FHIP1A: variants seen among roughly 807,000 people sequenced by gnomAD.
FHIP1A encodes FHF complex subunit HOOK interacting protein 1A.
Under a neutral mutation model 88.6 loss-of-function variants are expected in FHIP1A, and 61 were observed. That is an observed-to-expected ratio of 0.69 (90% CI 0.56 to 0.85). The LOEUF (loss-of-function observed/expected upper bound fraction) is 0.85, where lower values mean the gene tolerates loss of function less well. Ranked by LOEUF, FHIP1A falls within the 40% of genes least tolerant of loss-of-function variation. FHIP1A has a pLI of 0.00. For synonymous variants in FHIP1A, 478 were observed against 496.0 expected, an observed-to-expected ratio of 0.96 and a Z score of 0.48; for missense variants, 1,154 against 1,273.5, an observed-to-expected ratio of 0.91 and a Z score of 1.43.
At chr4:151,462,170 A>G (rs540286631) in intron 2 of FHIP1A, among the ~76,000 whole-genome samples, 5 of 152,226 alleles carry the variant, frequency 3.3e-5, no homozygotes, top group African/African-American at 7.2e-5. Context: ...CTAAAAAATA[A>G]AGTAAAATAA....
At chr4:151,661,408 G>GTT (rs5862966) in intron 13 of FHIP1A, among the ~76,000 whole-genome samples, 18,803 of 128,434 alleles carry the variant, frequency 0.15, 1,455 homozygotes, top group African/African-American at 0.23. Context: ...AGTGGAAGTT[G>GTT]TTTTTTTTTT....
In FHIP1A at chr4:151,662,706, C is replaced by T; in HGVS notation, c.3075C>T (p.Ser1025=). Residue 1025 remains serine (S), a synonymous_variant, in exon 14 of 14, where the codon TCC becomes TCT. Transcript: ENST00000435205. Reference sequence around the variant, plus strand: ...TGGCGGCCTTGGCCCAGGAACACTCCATTCTGTGCTACAAGATCTTGGGTG... The same window carrying T: ...TGGCGGCCTTGGCCCAGGAACACTCTATTCTGTGCTACAAGATCTTGGGTG... ...KELAALAQEH[S]ILCYKILGDF... 2 of 1,550,336 alleles carry T rather than the reference C, an allele frequency of 1.3e-6. No individual in the cohort carries two copies.
At chr4:151,455,900 C>T (rs1386320994) in intron 2 of FHIP1A, among the ~76,000 whole-genome samples, 2 of 152,170 alleles carry the variant, frequency 1.3e-5, no homozygotes, top group Admixed American at 6.5e-5. Context: ...AACACAGTTC[C>T]TGTTGAAAGC....
At chr4:151,448,117 C>T (rs1320969794) in intron 1 of FHIP1A, among the ~76,000 whole-genome samples, 1 of 151,850 alleles carries the variant, frequency 6.6e-6, no homozygotes. Context: ...TGGCATTTCA[C>T]CATGTTGGCC....
intron 7 of FHIP1A, among the ~76,000 whole-genome samples, chr4:151,611,757 C>T (rs1323172643): frequency 6.6e-6 from 1 of 152,124 alleles, no homozygotes; most frequent in African/African-American, 2.4e-5. Flanking sequence ...GTCTCTATGT[C>T]CTTTTTGCCT....
chr4:151,466,153 A>G (rs149374719), intron 2 of FHIP1A, among the ~76,000 whole-genome samples: 12 of 152,284 alleles, frequency 7.9e-5, no homozygotes, highest in East Asian at 5.8e-4. Context: ...CAAAATCATT[A>G]TGCAAAAATC....
chr4:151,648,466 A>G (rs1192024665), intron 10 of FHIP1A, among the ~76,000 whole-genome samples: 1 of 152,108 alleles, frequency 6.6e-6, no homozygotes, highest in Non-Finnish European at 1.5e-5. Context: ...GGAAATGGGT[A>G]TCCTTAAAAG....
intron 3 of FHIP1A, among the ~76,000 whole-genome samples, 155 bp from the exon 4 acceptor site, chr4:151,565,983 A>C (rs896298011): frequency 6.6e-6 from 1 of 152,122 alleles, no homozygotes; most frequent in African/African-American, 2.4e-5. Flanking sequence ...AGGAGAAAAC[A>C]GGAGAGCCTT....
chr4:151,656,964 T>G lies in FHIP1A; in HGVS notation c.2869+66T>G. On this transcript the variant is annotated intron_variant, in intron 13 of 13. Coordinates refer to ENST00000435205, the MANE Select transcript of FHIP1A (RefSeq NM_001109977.3). The surrounding 1 kb of genome is among the most constrained non-coding windows in gnomAD (Gnocchi z 4.2). ...CCTCCACGTCCCTGGCCTACTGGCC[T>G]CAGTTCACAGATGCTGCACTGGCTT... 6.9e-7 allele frequency: 1 copy of G among 1,456,756 alleles called. No individual in the cohort carries two copies. The highest frequency in any genetic ancestry group is 9.2e-7 in the Non-Finnish European group (1 of 1,084,376). The allele number at this position is 1,456,756 out of a possible 1,614,324, so 90.2% of individuals were successfully genotyped here. A position where few individuals can be genotyped will look rare whatever the true frequency, so the allele number is the denominator to read the frequency against.
intron 8 of FHIP1A, among the ~76,000 whole-genome samples, chr4:151,635,542 TC>T (rs906151502): frequency 6.6e-6 from 1 of 151,894 alleles, no homozygotes; most frequent in African/African-American, 2.4e-5. Flanking sequence ...GGAATGTTAT[TC>T]AACCTTAAAA....
chr4:151,644,396 G>A (rs1403447599), intron 9 of FHIP1A, among the ~76,000 whole-genome samples: 1 of 151,896 alleles, frequency 6.6e-6, no homozygotes, highest in Non-Finnish European at 1.5e-5. Flanking sequence ...CTGTCCCCCA[G>A]GCTGGAGTGC....
chr4:151,582,488 G>A (rs1279662342), intron 5 of FHIP1A, among the ~76,000 whole-genome samples: 1 of 152,090 alleles, frequency 6.6e-6, no homozygotes, highest in Non-Finnish European at 1.5e-5. Flanking sequence ...GAAATTTAGA[G>A]AACTTTAATA....
intron 3 of FHIP1A, among the ~76,000 whole-genome samples, chr4:151,563,395 C>T (rs1301815424): frequency 5.9e-5 from 9 of 152,052 alleles, no homozygotes; most frequent in Admixed American, 5.2e-4. Context: ...AGAGCTCTCT[C>T]TCAGGCATGA....
At chr4:151,649,416 C>A (rs894461676) in intron 10 of FHIP1A, 43 bp from the exon 11 acceptor site, 1 of 1,443,256 alleles carries the variant, frequency 6.9e-7, no homozygotes, top group African/African-American at 1.4e-5. Context: ...TACCTTTGTC[C>A]CCACACCTCC....
intron 11 of FHIP1A, among the ~76,000 whole-genome samples, chr4:151,654,640 C>T (rs1010377263): frequency 2.6e-5 from 4 of 152,104 alleles, no homozygotes; most frequent in Admixed American, 6.5e-5. Context: ...CCTTGAAGGC[C>T]GAATTGTGTT....
rs1732735349 is a variant in FHIP1A at position 151,551,556 on chromosome 4, CAAACCT to C, written c.-122-14581_-122-14576del. Reference sequence around the variant, plus strand: ...ACATCTACAACCATCTGATCTTTGACAAACCTGACAAAAGCAAGAAATGGGGAAAGG... The same window carrying C: ...ACATCTACAACCATCTGATCTTTGACGACAAAAGCAAGAAATGGGGAAAGG... On this transcript the variant is annotated intron_variant, in intron 3 of 13. Transcript: ENST00000435205. Among the ~76,000 whole-genome samples the C allele has an allele frequency of 7.2e-5, 5 of 69,532 alleles. 1 individual carries two copies. In the South Asian group the frequency reaches 2.0e-3, roughly 28 times the overall value. 45.6% of individuals were successfully genotyped at this position (69,532 alleles called of 152,430 possible).
chr4:151,512,200 A>C (rs1731061227), intron 3 of FHIP1A, among the ~76,000 whole-genome samples: 1 of 152,222 alleles, frequency 6.6e-6, no homozygotes, highest in Admixed American at 6.5e-5. Flanking sequence ...ACCTCTAGCA[A>C]ACTCCAACAG....
rs147726040 is a variant in FHIP1A at position 151,443,419 on chromosome 4, C to A, written c.-355-11282C>A. Among the ~76,000 whole-genome samples, 395 of 152,278 alleles carry A rather than the reference C, an allele frequency of 2.6e-3. 1 individual carries two copies. The highest frequency in any genetic ancestry group is 9.1e-3 in the African/African-American group (378 of 41,562). On this transcript the variant is annotated intron_variant, in intron 1 of 13. Transcript: ENST00000435205. The stretch of plus-strand genomic sequence containing the variant: ...CTGGATTTAAGGGATCCTCCCGCCT[C>A]AGCCTCAGCTACCACGCATGCCTGG...
chr4:151,581,388 A>G (rs1439273102), intron 5 of FHIP1A, among the ~76,000 whole-genome samples: 4 of 152,156 alleles, frequency 2.6e-5, no homozygotes, highest in Non-Finnish European at 5.9e-5. Flanking sequence ...CTGAAGAAAC[A>G]CTTGGTGATG....
Sources: gnomAD v4.1 joint callset for allele counts (sites outside exome capture counted in the v4.1 genomes callset) on GRCh38, gnomAD v4.1.1 for gene constraint, Gnocchi (gnomAD v3.1) non-coding constraint, MANE v1.5 for transcripts, NCBI Gene and HGNC (gene_info 2026-07-23, HGNC 2026-07-21) for gene names.